ANXA8L1: variants seen among roughly 807,000 people sequenced by gnomAD.
The protein encoded by ANXA8L1 is annexin A8-like protein 1.
Under a neutral mutation model 22.5 loss-of-function variants are expected in ANXA8L1, and 10 were observed. That is an observed-to-expected ratio of 0.44 (90% confidence interval 0.27 to 0.75). The LOEUF (loss-of-function observed/expected upper bound fraction) is 0.75. Among genes scored for constraint, ANXA8L1 ranks in the 30% least tolerant of loss-of-function variants. The probability of loss-of-function intolerance (pLI) is 0.15; values close to 1 mark genes in which losing one functional copy is unlikely to be tolerated. For synonymous variants in ANXA8L1, 36 were observed against 86.0 expected (o/e 0.42, Z 3.22); for missense variants, 88 against 219.6 (o/e 0.40, Z 3.79).
chr10:46,384,214 T>TTTC lies in ANXA8L1; in HGVS notation c.421_422insTTC (p.Ser141delinsPhePro). ...GTCCTGTTTCCCTGCAGACTATGGG[T>TTTC]CCAGCCTGGAGGAGGACATCCAAGC... On this transcript the variant is annotated protein_altering_variant, in exon 6 of 12. Transcript: ENST00000619162. 6 of 506,440 alleles carry TTTC rather than the reference T, an allele frequency of 1.2e-5. No homozygotes were observed. Among genetic ancestry groups the TTTC allele is most frequent in the South Asian group, 1.2e-4 (6 of 51,862 alleles). The allele number at this position is 506,440 out of a possible 1,614,324, so 31.4% of individuals were successfully genotyped here.
intron 11 of ANXA8L1, among the ~76,000 whole-genome samples, chr10:46,390,017 A>G (rs1211729590): frequency 6.6e-6 from 1 of 151,148 alleles, no homozygotes; most frequent in African/African-American, 2.4e-5. Context: ...GAGTGTGGAA[A>G]GTGGGTCTAG....
At chr10:46,382,718 G>A in intron 4 of ANXA8L1, 26 bp downstream of exon 4, 1 of 1,162,448 alleles carries the variant, frequency 8.6e-7, no homozygotes, top group East Asian at 2.3e-5. Flanking sequence ...GGGCAGGGGA[G>A]TGGCAGGGGT....
chr10:46,384,640 T>C lies in ANXA8L1; in HGVS notation c.493-134T>C, dbSNP rs1274214038. The C allele has an allele frequency of 6.5e-3, 9,646 of 1,475,978 alleles. 67 individuals carry two copies. The highest frequency in any genetic ancestry group is 7.9e-3 in the Non-Finnish European group (8,408 of 1,069,462). 91.4% of individuals were successfully genotyped at this position (1,475,978 alleles called of 1,614,324 possible). On this transcript the variant is annotated intron_variant, in intron 6 of 11. Coordinates refer to ENST00000619162, the MANE Select transcript of ANXA8L1 (RefSeq NM_001098845.3). ...TGAGGAAACCAAGGGCTGAAGAGAA[T>C]AACTGGCTTGTCGAAGTTTCCACAG...
intron 1 of ANXA8L1, among the ~76,000 whole-genome samples, chr10:46,377,145 G>A (rs1202263605): frequency 1.8e-3 from 161 of 88,560 alleles, no homozygotes; most frequent in African/African-American, 6.1e-3. Context: ...CCAGACTGCT[G>A]GGAACCTGCC....
chr10:46,384,859 T>G (rs1432101949), intron 7 of ANXA8L1, 26 bp downstream of exon 7: 2 of 1,612,008 alleles, frequency 1.2e-6, no homozygotes, highest in Non-Finnish European at 1.7e-6. Context: ...GCCGGCCATG[T>G]GGCCCCACCC....
intron 5 of ANXA8L1, 86 bp from the exon 6 acceptor site, chr10:46,384,120 A>G (rs1588896316): frequency 4.5e-6 from 1 of 221,328 alleles, no homozygotes; most frequent in Non-Finnish European, 7.9e-6. Flanking sequence ...AAGGAGAAGT[A>G]TGGGGAACAG....
rs1239985298 is a variant in ANXA8L1, at chr10:46,390,682, G to A, written c.925-189G>A. Among the ~76,000 whole-genome samples, 6 of 138,334 alleles carry A rather than the reference G, an allele frequency of 4.3e-5. 1 individual carries two copies. Among genetic ancestry groups the A allele is most frequent in the Non-Finnish European group, 8.2e-5 (5 of 60,968 alleles). The allele number at this position is 138,334 out of a possible 152,430, so 90.8% of individuals were successfully genotyped here. ...GTTGGTAAGAGAATCAAAAGGAAAT[G>A]TAAAGGAATAGCCTGAAATTAAAAA... On this transcript the variant is annotated intron_variant, in intron 11 of 11. Transcript: ENST00000619162.
Position 46,375,825 on chromosome 10 carries a change from G to T in ANXA8L1, c.-27G>T. The T allele has an allele frequency of 1.2e-6, 2 of 1,608,778 alleles. No homozygotes were observed. Among genetic ancestry groups the T allele is most frequent in the Admixed American group, 3.4e-5 (2 of 59,624 alleles). ...CCAACCTGTGTCTCTTCATCTCCGT[G>T]AGAAAGGTGCCCCCGAAGTGAAAGA... is the stretch of plus-strand genomic sequence containing the variant. On this transcript the variant is annotated 5_prime_UTR_variant, in exon 1 of 12. Coordinates refer to ENST00000619162, the MANE Select transcript of ANXA8L1 (RefSeq NM_001098845.3).
Position 46,375,801 on chromosome 10 carries a change from C to T in ANXA8L1, c.-51C>T. On this transcript the variant is annotated 5_prime_UTR_variant, in exon 1 of 12. Coordinates refer to ENST00000619162, the MANE Select transcript of ANXA8L1 (RefSeq NM_001098845.3). Reference sequence around the variant, plus strand: ...AGACGTGTGGAGTCCCAGCAGAGGCCAACCTGTGTCTCTTCATCTCCGTGA... The same window carrying T: ...AGACGTGTGGAGTCCCAGCAGAGGCTAACCTGTGTCTCTTCATCTCCGTGA... 1 of 1,608,908 alleles carries T rather than the reference C, an allele frequency of 6.2e-7. No homozygotes were observed. Among genetic ancestry groups the T allele is most frequent in the Non-Finnish European group, 8.5e-7 (1 of 1,178,912 alleles).
At position 46,385,949 on chromosome 10, in the gene ANXA8L1, G is replaced by T; in HGVS notation, c.742+142G>T. 1.5e-4 allele frequency: 23 copies of T among 151,326 alleles called. 2 individuals are homozygous for T. The highest frequency in any genetic ancestry group is 7.2e-4 in the South Asian group (23 of 31,954). The allele number at this position is 151,326 out of a possible 1,614,324, so 9.4% of individuals were successfully genotyped here. A position where few individuals can be genotyped will look rare whatever the true frequency, so the allele number is the denominator to read the frequency against. On this transcript the variant is annotated intron_variant, in intron 9 of 11. Coordinates refer to ENST00000619162, the MANE Select transcript of ANXA8L1 (RefSeq NM_001098845.3). ...GGGATGTCCCCCCGACTCACACTCTGCCTGTCTCCCTCACCCAGGGACTGC... is the reference window on the plus strand; with the variant it reads ...GGGATGTCCCCCCGACTCACACTCTTCCTGTCTCCCTCACCCAGGGACTGC...
At position 46,391,551 on chromosome 10, in the gene ANXA8L1, C is replaced by CT. The variant is rs1840085841; in HGVS notation, c.*622dup. On this transcript the variant is annotated 3_prime_UTR_variant, in exon 12 of 12. Transcript: ENST00000619162. ...CTCGCCATCTTAATAACAAAATAAA[C>CT]TACAAATTCCTGACCCAAGGACACT... is the stretch of plus-strand genomic sequence containing the variant. 9.9e-6 allele frequency: 1 copy of CT among 100,534 alleles called. No individual in the cohort carries two copies. Among genetic ancestry groups the CT allele is most frequent in the African/African-American group, 5.8e-5 (1 of 17,118 alleles). The allele number at this position is 100,534 out of a possible 1,614,324, so 6.2% of individuals were successfully genotyped here.
At chr10:46,389,582 C>T (rs1270735534) in intron 11 of ANXA8L1, among the ~76,000 whole-genome samples, 2 of 150,986 alleles carry the variant, frequency 1.3e-5, no homozygotes, top group Admixed American at 6.6e-5. Flanking sequence ...AAATGGTTTT[C>T]AACACTAATA....
In ANXA8L1 at chr10:46,385,484, G is replaced by T; in HGVS notation, c.646+11G>T. 3 of 1,289,602 alleles carry T rather than the reference G, an allele frequency of 2.3e-6. No homozygotes were observed. Among genetic ancestry groups the T allele is most frequent in the Non-Finnish European group, 2.1e-6 (2 of 941,206 alleles). The allele number at this position is 1,289,602 out of a possible 1,614,324, so 79.9% of individuals were successfully genotyped here. A position where few individuals can be genotyped will look rare whatever the true frequency, so the allele number is the denominator to read the frequency against. On this transcript the variant is annotated intron_variant, in intron 8 of 11. Coordinates refer to ENST00000619162, the MANE Select transcript of ANXA8L1 (RefSeq NM_001098845.3). Reference sequence around the variant, plus strand: ...CTCACCTGCTGAGAGGTACCAGGGAGGGAGGGGCTGGGGCCGGGGCCACAG... The same window carrying T: ...CTCACCTGCTGAGAGGTACCAGGGATGGAGGGGCTGGGGCCGGGGCCACAG...
Position 46,384,822 on chromosome 10 carries a change from C to T in ANXA8L1, c.541C>T (p.Gln181Ter). ...CTTTGTGGACCCGGCACTGGCCCTC[C>T]AAGACGCACAGGTGAGGCTGCGCCC... is the stretch of plus-strand genomic sequence containing the variant. Reference protein sequence around the residue: ...SSFVDPALALQDAQDLYAAGE... With the variant: ...SSFVDPALAL Residue 181 changes from glutamine (Q) to a stop codon, truncating the protein, a stop_gained, in exon 7 of 12, where the codon CAA becomes TAA. Coordinates refer to ENST00000619162, the MANE Select transcript of ANXA8L1 (RefSeq NM_001098845.3). LOFTEE classifies it high-confidence loss of function. 6.2e-7 allele frequency: 1 copy of T among 1,613,120 alleles called. No homozygotes were observed. Among genetic ancestry groups the T allele is most frequent in the Non-Finnish European group, 8.5e-7 (1 of 1,179,840 alleles).
Position 46,375,876 on chromosome 10 carries a change from A to C in ANXA8L1, c.21+4A>C. On this transcript the variant is annotated splice_donor_region_variant and intron_variant, in intron 1 of 11. Transcript: ENST00000619162. ...GATGGCCTGGTGGAAAGCCTGGGTA[A>C]GTGGGAGCTGGCAGGAGATTTGCGT... The C allele has an allele frequency of 6.7e-7, 1 of 1,497,328 alleles. No individual in the cohort carries two copies. The highest frequency in any genetic ancestry group is 9.2e-7 in the Non-Finnish European group (1 of 1,088,002). The allele number at this position is 1,497,328 out of a possible 1,614,324, so 92.8% of individuals were successfully genotyped here.
chr10:46,389,967 G>T (rs1423008344), intron 11 of ANXA8L1, among the ~76,000 whole-genome samples: 2 of 151,538 alleles, frequency 1.3e-5, no homozygotes, highest in Non-Finnish European at 2.9e-5. Context: ...TTACTAAATG[G>T]TGAAAAGTAG....
chr10:46,391,181 C>T lies in ANXA8L1; in HGVS notation c.*251C>T. The stretch of plus-strand genomic sequence containing the variant: ...CAACCTTAGTGTTTCTCCAGCCAGA[C>T]AGATGCCTCAGCATGAAGGGCTTGG... On this transcript the variant is annotated 3_prime_UTR_variant, in exon 12 of 12. Coordinates refer to ENST00000619162, the MANE Select transcript of ANXA8L1 (RefSeq NM_001098845.3). The T allele has an allele frequency of 3.1e-6, 1 of 319,984 alleles. No homozygotes were observed. The highest frequency in any genetic ancestry group is 5.7e-6 in the Non-Finnish European group (1 of 176,622). The allele number at this position is 319,984 out of a possible 1,614,324, so 19.8% of individuals were successfully genotyped here.
chr10:46,385,474 G>A lies in ANXA8L1; in HGVS notation c.646+1G>A, dbSNP rs1840026238. 7 of 1,064,756 alleles carry A rather than the reference G, an allele frequency of 6.6e-6. No homozygotes were observed. Among genetic ancestry groups the A allele is most frequent in the Non-Finnish European group, 9.5e-6 (7 of 736,576 alleles). The allele number at this position is 1,064,756 out of a possible 1,614,324, so 66.0% of individuals were successfully genotyped here. A position where few individuals can be genotyped will look rare whatever the true frequency, so the allele number is the denominator to read the frequency against. On this transcript the variant is annotated splice_donor_variant, in intron 8 of 11. Coordinates refer to ENST00000619162, the MANE Select transcript of ANXA8L1 (RefSeq NM_001098845.3). LOFTEE classifies it high-confidence loss of function. ...CGCAGTGCCACTCACCTGCTGAGAGGTACCAGGGAGGGAGGGGCTGGGGCC... is the reference window on the plus strand; with the variant it reads ...CGCAGTGCCACTCACCTGCTGAGAGATACCAGGGAGGGAGGGGCTGGGGCC...
rs1554975573 is a variant in ANXA8L1 at position 46,390,871 on chromosome 10, G to T, written c.925G>T (p.Glu309Ter). ...YGKTLSSMIM[E>*]DTSGDYKNAL... ...ACGCTTATGCGCCTCCTACCCACAG[G>T]AAGACACCAGCGGCGACTACAAGAA... The change falls in exon 12 of 12, where the codon GAA becomes TAA. Residue 309 changes from glutamate to a stop codon, truncating the protein, a stop_gained and splice_region_variant. Transcript: ENST00000619162. LOFTEE classifies it high-confidence loss of function. 1 of 1,301,550 alleles carries T rather than the reference G, an allele frequency of 7.7e-7. No homozygotes were observed. Among genetic ancestry groups the T allele is most frequent in the Non-Finnish European group, 1.0e-6 (1 of 961,052 alleles). The allele number at this position is 1,301,550 out of a possible 1,614,324, so 80.6% of individuals were successfully genotyped here.
Sources: allele counts gnomAD v4.1 joint callset (sites outside exome capture counted in the v4.1 genomes callset), GRCh38; gene constraint gnomAD v4.1.1; transcripts MANE v1.5; gene names NCBI Gene and HGNC (gene_info 2026-07-23, HGNC 2026-07-21).